The following IL17F variants were observed in gnomAD, a reference collection of about 807,000 sequenced individuals.
IL17F encodes the protein interleukin 17F, also known as interleukin-17F.
Under a neutral mutation model 8.3 loss-of-function variants are expected in IL17F, and 6 were observed. The ratio of observed to expected loss-of-function variants is 0.73; its 90% confidence interval spans 0.40 to 1.43. IL17F has a LOEUF of 1.43. IL17F is among the 40% of genes most tolerant of loss of function. The pLI, the probability that IL17F is intolerant of heterozygous loss-of-function variation, is 0.02. For synonymous variants in IL17F, 98 were observed against 81.6 expected, an observed-to-expected ratio of 1.20 and a Z score of -1.08; for missense variants, 204 against 209.6, an observed-to-expected ratio of 0.97 and a Z score of 0.17.
intron 1 of IL17F, among the ~76,000 whole-genome samples, chr6:52,239,502 T>C (rs537183368): frequency 6.6e-6 from 1 of 152,294 alleles, no homozygotes; most frequent in East Asian, 1.9e-4. Context: ...GTCAAAATCC[T>C]ACCCTTCCAT....
chr6:52,239,919 C>G (rs1764040319), intron 1 of IL17F, among the ~76,000 whole-genome samples: 1 of 152,160 alleles, frequency 6.6e-6, no homozygotes, highest in Non-Finnish European at 1.5e-5. Flanking sequence ...AACTATTTCT[C>G]TTTAGCTCTG....
intron 1 of IL17F, among the ~76,000 whole-genome samples, chr6:52,239,951 G>A (rs1259943364): frequency 2.0e-5 from 3 of 152,096 alleles, no homozygotes; most frequent in South Asian, 4.1e-4. Context: ...TTATACTTAC[G>A]TTGAAATGCC....
In IL17F at chr6:52,238,970, GCAAT is replaced by G; in HGVS notation, c.34-24_34-21del. 3 of 1,605,326 alleles carry G rather than the reference GCAAT, an allele frequency of 1.9e-6. No individual in the cohort carries two copies. The highest frequency in any genetic ancestry group is 2.6e-6 in the Non-Finnish European group (3 of 1,173,520). On this transcript the variant is annotated intron_variant, in intron 1 of 2. Transcript: ENST00000336123. ...CTTGACCTGGAAAATAGAAGACGCTGCAATCAGTTAGAGACTCGCCTCACCTACT... is the reference window on the plus strand; with the variant it reads ...CTTGACCTGGAAAATAGAAGACGCTGCAGTTAGAGACTCGCCTCACCTACT...
intron 1 of IL17F, among the ~76,000 whole-genome samples, chr6:52,243,757 G>A (rs1178058788): frequency 6.6e-6 from 1 of 152,140 alleles, no homozygotes; most frequent in Non-Finnish European, 1.5e-5. Context: ...GCCATTGGGT[G>A]AGGAGCTGCA....
At chr6:52,240,438 GAAAAA>G (rs34052816) in intron 1 of IL17F, among the ~76,000 whole-genome samples, 12 of 96,366 alleles carry the variant, frequency 1.2e-4, no homozygotes, top group African/African-American at 4.4e-4. Context: ...CTCCTGCTTG[GAAAAA>G]AAAAAAAAAA....
In IL17F at chr6:52,238,873, T is replaced by C. The variant is rs1582260891; in HGVS notation, c.111A>G (p.Gly37=). The C allele has an allele frequency of 6.2e-7, 1 of 1,614,046 alleles. No homozygotes were observed. Residue 37 remains glycine (G), a synonymous_variant, in exon 2 of 3, where the codon GGA becomes GGG. Coordinates refer to ENST00000336123, the MANE Select transcript of IL17F (RefSeq NM_052872.4). ...EAAARKIPKV[G]HTFFQKPESC... ...TCTCAGGCTTTTGGAAAAAAGTATG[T>C]CCTACTTTGGGGATTTTCCGAGCTG... is the stretch of plus-strand genomic sequence containing the variant.
chr6:52,238,209 G>C (rs1356730442), intron 2 of IL17F, among the ~76,000 whole-genome samples: 1 of 152,218 alleles, frequency 6.6e-6, no homozygotes, highest in Admixed American at 6.5e-5. Context: ...TACATTTGGA[G>C]AGTATGAGGG....
At position 52,237,008 on chromosome 6, in the gene IL17F, CAG is replaced by C. The variant is rs11465552; in HGVS notation, c.413_414del (p.Ser138CysfsTer34). 3.3e-4 allele frequency: 535 copies of C among 1,614,216 alleles called. 1 individual carries two copies. In the African/African-American group the frequency reaches 6.5e-3, roughly 19 times the overall value. On this transcript the variant is annotated frameshift_variant, in exon 3 of 3. Transcript: ENST00000336123. LOFTEE classifies it high-confidence loss of function. ...LVVRRKHQGCSVSFQLEKVLV... is the reference protein window; with the variant it reads ...LVVRRKHQGCXVSFQLEKVLV... ...AGCACCTTCTCCAACTGGAAAGAAA[CAG>C]AGCAGCCTTGGTGCTTCCTCCGGAC...
chr6:52,243,902 A>G (rs2128268779), intron 1 of IL17F, among the ~76,000 whole-genome samples: 1 of 152,254 alleles, frequency 6.6e-6, no homozygotes, highest in Non-Finnish European at 1.5e-5. Flanking sequence ...AGCTGGGATT[A>G]CAGGCAACTG....
intron 1 of IL17F, 143 bp downstream of exon 1, chr6:52,244,254 A>G: frequency 1.2e-6 from 1 of 846,148 alleles, no homozygotes. Context: ...TTTCTCCACC[A>G]GACAGGAGTC....
At chr6:52,244,537 T>C (rs1292627886), upstream of IL17F, 12 of 1,086,822 alleles carry the variant, frequency 1.1e-5, no homozygotes, top group South Asian at 1.3e-4. Flanking sequence ...ATAGCAATCA[T>C]TGCCCCTGTT....
At chr6:52,239,484 C>G (rs1311879109) in intron 1 of IL17F, among the ~76,000 whole-genome samples, 4 of 152,172 alleles carry the variant, frequency 2.6e-5, no homozygotes, top group African/African-American at 9.7e-5. Context: ...GCCTAGAATA[C>G]TCTGTCTGTC....
In IL17F at chr6:52,244,381, G is replaced by T; in HGVS notation, c.33+16C>A. ...GGCATGACAGTCCTTAAACCAGAAT[G>T]ATTGCTGCTACTCACCATGGCTGGG... On this transcript the variant is annotated intron_variant, in intron 1 of 2. Transcript: ENST00000336123. 1 of 1,612,926 alleles carries T rather than the reference G, an allele frequency of 6.2e-7. No individual in the cohort carries two copies. The highest frequency in any genetic ancestry group is 8.5e-7 in the Non-Finnish European group (1 of 1,178,890).
Position 52,238,777 on chromosome 6 carries a change from G to A in IL17F, c.207C>T (p.Ser69=), listed in dbSNP as rs1764013779. ...AGCGGCTCTCGATGTTACGTGACATGGAAACGCGCTGGTTTTCATTGATGA... is the reference window on the plus strand; with the variant it reads ...AGCGGCTCTCGATGTTACGTGACATAGAAACGCGCTGGTTTTCATTGATGA... ...IGIINENQRV[S]MSRNIESRST... Residue 69 remains serine, a synonymous_variant, in exon 2 of 3, where the codon TCC becomes TCT. Transcript: ENST00000336123. 1 of 1,614,194 alleles carries A rather than the reference G, an allele frequency of 6.2e-7. No homozygotes were observed. Among genetic ancestry groups the A allele is most frequent in the Non-Finnish European group, 8.5e-7 (1 of 1,180,022 alleles).
At chr6:52,239,944 T>A (rs964392199) in intron 1 of IL17F, among the ~76,000 whole-genome samples, 5 of 152,216 alleles carry the variant, frequency 3.3e-5, no homozygotes, top group Non-Finnish European at 5.9e-5. Flanking sequence ...ATTTTTTTTA[T>A]ACTTACGTTG....
upstream of IL17F, among the ~76,000 whole-genome samples, chr6:52,245,374 G>A (rs994346374): frequency 1.3e-5 from 2 of 152,216 alleles, no homozygotes; most frequent in Admixed American, 1.3e-4. Flanking sequence ...CTGGCCTCAA[G>A]TTCAGGTTCC....
intron 1 of IL17F, among the ~76,000 whole-genome samples, chr6:52,243,165 C>T (rs749313576): frequency 2.6e-5 from 4 of 152,156 alleles, no homozygotes; most frequent in Non-Finnish European, 4.4e-5. Context: ...CATACCATTG[C>T]TATATGCCAT....
chr6:52,238,178 C>T (rs1437182491), intron 2 of IL17F, among the ~76,000 whole-genome samples: 1 of 152,144 alleles, frequency 6.6e-6, no homozygotes, highest in Non-Finnish European at 1.5e-5. Flanking sequence ...TTCAATTGTC[C>T]CTGGAATCTA....
chr6:52,238,624 T>A, intron 2 of IL17F, 106 bp downstream of exon 2: 2 of 1,028,628 alleles, frequency 1.9e-6, no homozygotes, highest in Admixed American at 4.2e-5. Flanking sequence ...GTTAAGAGGA[T>A]TTTCCCTTTT....
Sources: gnomAD v4.1 joint callset for allele counts (sites outside exome capture counted in the v4.1 genomes callset) on GRCh38, gnomAD v4.1.1 for gene constraint, MANE v1.5 for transcripts, NCBI Gene and HGNC (gene_info 2026-07-23, HGNC 2026-07-21) for gene names.